PIGK: variants seen among roughly 807,000 people sequenced by gnomAD.
PIGK encodes phosphatidylinositol glycan anchor biosynthesis class K, also known as GPI-anchor transamidase.
Under a neutral mutation model 50.6 loss-of-function variants are expected in PIGK, and 42 were observed. That is an observed-to-expected ratio of 0.83 (90% confidence interval 0.65 to 1.07). PIGK has a LOEUF of 1.07. PIGK is among the 50% of genes least tolerant of loss of function. PIGK has a pLI of 0.00. For missense variants in PIGK, 448 were observed against 488.7 expected, an observed-to-expected ratio of 0.92 and a Z score of 0.78; for synonymous variants, 151 against 156.0, an observed-to-expected ratio of 0.97 and a Z score of 0.24.
At chr1:77,200,103 G>A (rs1656126544) in intron 3 of PIGK, among the ~76,000 whole-genome samples, 1 of 152,116 alleles carries the variant, frequency 6.6e-6, no homozygotes. Flanking sequence ...AGTTACTGCA[G>A]GTTCTTAATT....
chr1:77,090,765 C>T lies in PIGK; in HGVS notation c.*1609G>A, dbSNP rs2100503414. On this transcript the variant is annotated 3_prime_UTR_variant, in exon 11 of 11. Transcript: ENST00000370812. ...TCTATTCAATTGCAAGTTTATTTTC[C>T]CTTCTTTTCATGTACAGAAAGATCC... 1 of 152,200 alleles carries T rather than the reference C, an allele frequency of 6.6e-6. No homozygotes were observed. Among genetic ancestry groups the T allele is most frequent in the East Asian group, 1.9e-4 (1 of 5,182 alleles). 9.4% of individuals were successfully genotyped at this position (152,200 alleles called of 1,614,324 possible).
chr1:77,144,157 C>T (rs1220671696), intron 9 of PIGK, among the ~76,000 whole-genome samples: 1 of 151,892 alleles, frequency 6.6e-6, no homozygotes, highest in Admixed American at 6.6e-5. Context: ...GTAATATCCC[C>T]TATAATGTCA....
chr1:77,194,955 T>C (rs1162650132), intron 3 of PIGK: 1 of 594,888 alleles, frequency 1.7e-6, no homozygotes. Flanking sequence ...TGACTACTCC[T>C]GCTTAAGTGT....
chr1:77,143,634 T>C (rs1654706358), intron 9 of PIGK, among the ~76,000 whole-genome samples: 1 of 152,140 alleles, frequency 6.6e-6, no homozygotes, highest in Non-Finnish European at 1.5e-5. Flanking sequence ...TCATAATTTA[T>C]TTGAAGGTAT....
At position 77,089,390 on chromosome 1, in the gene PIGK, T is replaced by G. The variant is rs1024892145; in HGVS notation, c.*2984A>C. The G allele has an allele frequency of 6.6e-6, 1 of 152,250 alleles. No homozygotes were observed. Among genetic ancestry groups the G allele is most frequent in the Admixed American group, 6.5e-5 (1 of 15,292 alleles). The allele number at this position is 152,250 out of a possible 1,614,324, so 9.4% of individuals were successfully genotyped here. On this transcript the variant is annotated 3_prime_UTR_variant, in exon 11 of 11. Coordinates refer to ENST00000370812, the MANE Select transcript of PIGK (RefSeq NM_005482.3). ...TTGTGGTATGTTTATAACGTATTTC[T>G]TTCACATGTTAAAACAGTATCTACT...
At chr1:77,135,834 A>T (rs961173651) in intron 9 of PIGK, among the ~76,000 whole-genome samples, 3 of 151,762 alleles carry the variant, frequency 2.0e-5, no homozygotes, top group African/African-American at 7.2e-5. Flanking sequence ...TTAACCAATC[A>T]CTTCCTCTTC....
intron 10 of PIGK, among the ~76,000 whole-genome samples, chr1:77,116,257 C>T (rs1653960211): frequency 6.6e-6 from 1 of 152,142 alleles, no homozygotes; most frequent in South Asian, 2.1e-4. Flanking sequence ...GATCTCGGCT[C>T]ACTGAAAGCT....
At chr1:77,129,709 A>G in intron 9 of PIGK, 1 of 1,021,444 alleles carries the variant, frequency 9.8e-7, no homozygotes, top group Non-Finnish European at 1.4e-6. Context: ...GAAAAATAAA[A>G]AATAAAAATA....
chr1:77,145,469 A>G (rs1461887746), intron 9 of PIGK, among the ~76,000 whole-genome samples: 1 of 152,094 alleles, frequency 6.6e-6, no homozygotes, highest in Non-Finnish European at 1.5e-5. Context: ...AAAATAACAT[A>G]CAAAATGTTT....
chr1:77,213,528 AAC>A (rs908774525), intron 1 of PIGK, among the ~76,000 whole-genome samples: 33 of 152,228 alleles, frequency 2.2e-4, no homozygotes, highest in African/African-American at 8.0e-4. Flanking sequence ...TGAAAATAGA[AAC>A]ACAACATAAC....
chr1:77,138,857 C>A (rs1033944280), intron 9 of PIGK, among the ~76,000 whole-genome samples: 2 of 152,034 alleles, frequency 1.3e-5, no homozygotes, highest in Non-Finnish European at 2.9e-5. Context: ...CTGAATTGCT[C>A]AACTTTAAAT....
At chr1:77,207,099 G>A (rs1570264300) in intron 2 of PIGK, among the ~76,000 whole-genome samples, 1 of 152,130 alleles carries the variant, frequency 6.6e-6, no homozygotes, top group African/African-American at 2.4e-5. Context: ...CCTGGGAGGT[G>A]GAGGTTGCAG....
In PIGK at chr1:77,089,674, AAATC is replaced by A. The variant is rs1467558822; in HGVS notation, c.*2696_*2699del. On this transcript the variant is annotated 3_prime_UTR_variant, in exon 11 of 11. Coordinates refer to ENST00000370812, the MANE Select transcript of PIGK (RefSeq NM_005482.3). Reference sequence around the variant, plus strand: ...TTTTCAACTAGCTGGGAATATATAAAAATCAAAACCATAAATGCATGGATTATTT... The same window carrying A: ...TTTTCAACTAGCTGGGAATATATAAAAAAACCATAAATGCATGGATTATTT... 2 of 152,650 alleles carry A rather than the reference AAATC, an allele frequency of 1.3e-5. No homozygotes were observed. Among genetic ancestry groups the A allele is most frequent in the Non-Finnish European group, 2.9e-5 (2 of 68,032 alleles). The allele number at this position is 152,650 out of a possible 1,614,324, so 9.5% of individuals were successfully genotyped here.
chr1:77,172,828 G>A (rs898224534), intron 3 of PIGK, among the ~76,000 whole-genome samples: 1 of 152,080 alleles, frequency 6.6e-6, no homozygotes, highest in African/African-American at 2.4e-5. Context: ...GGAGGCTGAG[G>A]AAAGAGAATG....
At chr1:77,164,104 AT>A (rs1375691554) in intron 5 of PIGK, among the ~76,000 whole-genome samples, 162 bp from the exon 6 acceptor site, 1 of 152,232 alleles carries the variant, frequency 6.6e-6, no homozygotes, top group Non-Finnish European at 1.5e-5. Flanking sequence ...TACTATGCCA[AT>A]TAAAAAGAGA....
chr1:77,140,121 T>C (rs1358201764), intron 9 of PIGK, among the ~76,000 whole-genome samples: 1 of 152,120 alleles, frequency 6.6e-6, no homozygotes, highest in Admixed American at 6.5e-5. Context: ...TGGTGCCTGA[T>C]GGAAGGTGTT....
chr1:77,157,887 C>A (rs1286392904), intron 8 of PIGK, among the ~76,000 whole-genome samples: 2 of 152,214 alleles, frequency 1.3e-5, no homozygotes, highest in Non-Finnish European at 2.9e-5. Flanking sequence ...AGTTCCCCTG[C>A]ACATGCTCTC....
In PIGK at chr1:77,122,269, G is replaced by A. The variant is rs372700458; in HGVS notation, c.1071+6C>T. 1.3e-6 allele frequency: 2 copies of A among 1,535,150 alleles called. No homozygotes were observed. Among genetic ancestry groups the A allele is most frequent in the South Asian group, 2.3e-5 (2 of 87,232 alleles). The stretch of plus-strand genomic sequence containing the variant: ...TTCTTTCAAAAGAATAAAATGAAAT[G>A]CAAACCTGGTGTATTATCTGAGCTA... On this transcript the variant is annotated splice_donor_region_variant and intron_variant, in intron 10 of 10. Coordinates refer to ENST00000370812, the MANE Select transcript of PIGK (RefSeq NM_005482.3).
At chr1:77,178,599 A>G (rs1195456510) in intron 3 of PIGK, among the ~76,000 whole-genome samples, 1 of 151,808 alleles carries the variant, frequency 6.6e-6, no homozygotes, top group Non-Finnish European at 1.5e-5. Flanking sequence ...AAGTGAGTAG[A>G]CTCTTTATCT....
Sources: gnomAD v4.1 joint callset for allele counts (sites outside exome capture counted in the v4.1 genomes callset) on GRCh38, gnomAD v4.1.1 for gene constraint, MANE v1.5 for transcripts, NCBI Gene and HGNC (gene_info 2026-07-23, HGNC 2026-07-21) for gene names.